Variants in TLR5 observed in about 807,000 individuals in gnomAD.
The protein encoded by TLR5 is toll-like receptor 5.
For synonymous variants in TLR5, 373 were observed against 384.4 expected (o/e 0.97, Z 0.35); for missense variants, 944 against 999.8 (o/e 0.94, Z 0.75).
At position 223,112,134 on chromosome 1, in the gene TLR5, C is replaced by T. The variant is rs772640475; in HGVS notation, c.898G>A (p.Val300Ile). 6.2e-7 allele frequency: 1 copy of T among 1,614,222 alleles called. No individual in the cohort carries two copies. Among genetic ancestry groups the T allele is most frequent in the South Asian group, 1.1e-5 (1 of 91,084 alleles). Reference sequence around the variant, plus strand: ...AAGACTCGTGAGTTCAGGGAGAAGACAAACCCATGTGAAAGATCCAGGTGT... The same window carrying T: ...AAGACTCGTGAGTTCAGGGAGAAGATAAACCCATGTGAAAGATCCAGGTGT... ...VRHLDLSHGF[V>I]FSLNSRVFET... is the part of the protein sequence containing the mutation. Residue 300 changes from valine (V) to isoleucine (I), a missense_variant, in exon 6 of 6, where the codon GTC becomes ATC. Physicochemically the swap from Val to Ile is conservative, Grantham distance 29. Transcript: ENST00000642603.
Position 223,109,660 on chromosome 1 carries a change from A to G in TLR5, c.*795T>C, listed in dbSNP as rs1656224078. ...AGGTTACATGGCTAATACACAGCTGACTCAGAACTCAACCCAGGATCTGTG... is the reference window on the plus strand; with the variant it reads ...AGGTTACATGGCTAATACACAGCTGGCTCAGAACTCAACCCAGGATCTGTG... On this transcript the variant is annotated 3_prime_UTR_variant, in exon 6 of 6. Transcript: ENST00000642603. 1 of 152,324 alleles carries G rather than the reference A, an allele frequency of 6.6e-6. No homozygotes were observed. Among genetic ancestry groups the G allele is most frequent in the Non-Finnish European group, 1.5e-5 (1 of 68,084 alleles). The allele number at this position is 152,324 out of a possible 1,614,324, so 9.4% of individuals were successfully genotyped here. A position where few individuals can be genotyped will look rare whatever the true frequency, so the allele number is the denominator to read the frequency against.
chr1:223,140,065 T>C (rs1256463227), intron 2 of TLR5, among the ~76,000 whole-genome samples: 11 of 152,300 alleles, frequency 7.2e-5, no homozygotes, highest in South Asian at 2.1e-4. Flanking sequence ...CAGAGGTCTA[T>C]GCAAGGACCA....
chr1:223,111,084 G>A lies in TLR5; in HGVS notation c.1948C>T (p.Leu650=). Residue 650 remains leucine, a synonymous_variant, in exon 6 of 6, where the codon CTG becomes TTG. Coordinates refer to ENST00000642603, the MANE Select transcript of TLR5 (RefSeq NM_003268.6). ...FSLFIVCTVT[L]TLFLMTILTV... ...AGGATGGTCATGAGGAACAGAGTCA[G>A]AGTGACAGTGCATACAATGAAAAGG... 1 of 1,614,216 alleles carries A rather than the reference G, an allele frequency of 6.2e-7. No homozygotes were observed. Among genetic ancestry groups the A allele is most frequent in the Non-Finnish European group, 8.5e-7 (1 of 1,180,044 alleles).
At position 223,110,963 on chromosome 1, in the gene TLR5, A is replaced by T; in HGVS notation, c.2069T>A (p.Met690Lys). 6.2e-7 allele frequency: 1 copy of T among 1,614,268 alleles called. No homozygotes were observed. The highest frequency in any genetic ancestry group is 8.5e-7 in the Non-Finnish European group (1 of 1,180,052). ...KDHPQGTEPD[M>K]YKYDAYLCFS... is the part of the protein sequence containing the mutation. ...GCACAAATAGGCATCATATTTGTAC[A>T]TATCAGGTTCTGTGCCCTGGGGATG... Residue 690 changes from methionine to lysine, a missense_variant, in exon 6 of 6, where the codon ATG becomes AAG. Met to Lys is a moderately conservative substitution (Grantham distance 95, BLOSUM62 -1). Coordinates refer to ENST00000642603, the MANE Select transcript of TLR5 (RefSeq NM_003268.6).
chr1:223,110,653 C>T lies in TLR5; in HGVS notation c.2379G>A (p.Gly793=), dbSNP rs755810858. Reference sequence around the variant, plus strand: ...TCATCAACTGGTACTGGGACAAGGACCCAACCACCACCATGATGAGAGCAC... The same window carrying T: ...TCATCAACTGGTACTGGGACAAGGATCCAACCACCACCATGATGAGAGCAC... ...LNSALIMVVV[G]SLSQYQLMKH... The change falls in exon 6 of 6, where the codon GGG becomes GGA. Residue 793 remains glycine (G), a synonymous_variant. Transcript: ENST00000642603. The T allele has an allele frequency of 8.1e-6, 13 of 1,614,112 alleles. No homozygotes were observed. Among genetic ancestry groups the T allele is most frequent in the South Asian group, 2.2e-5 (2 of 91,068 alleles).
chr1:223,135,755 A>G (rs1657584233), intron 3 of TLR5, among the ~76,000 whole-genome samples: 1 of 152,154 alleles, frequency 6.6e-6, no homozygotes, highest in Non-Finnish European at 1.5e-5. Flanking sequence ...AGGCTGTTAC[A>G]CCGGATCTTG....
chr1:223,118,048 C>T (rs139974133), intron 5 of TLR5, among the ~76,000 whole-genome samples: 207 of 152,278 alleles, frequency 1.4e-3, no homozygotes, highest in African/African-American at 4.8e-3. Flanking sequence ...TGTGACACAG[C>T]CCTCAGGAGA....
chr1:223,114,084 G>C (rs1160928707), intron 5 of TLR5, among the ~76,000 whole-genome samples: 5 of 152,180 alleles, frequency 3.3e-5, no homozygotes, highest in Non-Finnish European at 5.9e-5. Flanking sequence ...TAATAAAAGT[G>C]TGATAAGTGC....
chr1:223,123,888 G>T (rs1446853610), intron 5 of TLR5: 2 of 152,234 alleles, frequency 1.3e-5, no homozygotes, highest in Admixed American at 6.5e-5. Context: ...GGAGGAGTGC[G>T]CCATCTAGTG....
rs1416415700 is a variant in TLR5 at position 223,123,488 on chromosome 1, ATG to A, written c.-5+8985_-5+8986del. 5.3e-5 allele frequency: 8 copies of A among 152,372 alleles called. No homozygotes were observed. In the South Asian group the frequency reaches 1.7e-3, roughly 32 times the overall value. The allele number at this position is 152,372 out of a possible 1,614,324, so 9.4% of individuals were successfully genotyped here. On this transcript the variant is annotated intron_variant, in intron 5 of 5. Coordinates refer to ENST00000642603, the MANE Select transcript of TLR5 (RefSeq NM_003268.6). ...ATGTGAAAGAACATTGTCTGGGCTT[ATG>A]TCGTATTACAAAGATACCACGCAGA...
At chr1:223,143,039 G>A (rs562706179) in intron 1 of TLR5, among the ~76,000 whole-genome samples, 157 bp downstream of exon 1, 15 of 152,248 alleles carry the variant, frequency 9.9e-5, no homozygotes, top group Non-Finnish European at 2.1e-4. Context: ...GCCGCCTAGT[G>A]AGGCGGCGCG....
chr1:223,110,289 G>A lies in TLR5; in HGVS notation c.*166C>T, dbSNP rs1325395586. On this transcript the variant is annotated 3_prime_UTR_variant, in exon 6 of 6. Coordinates refer to ENST00000642603, the MANE Select transcript of TLR5 (RefSeq NM_003268.6). The stretch of plus-strand genomic sequence containing the variant: ...TATTATTTTCCATTTGGAGGTTAGT[G>A]AGACAGAACATGGTGTTGATACGAA... 2 of 691,422 alleles carry A rather than the reference G, an allele frequency of 2.9e-6. No individual in the cohort carries two copies. The highest frequency in any genetic ancestry group is 3.6e-5 in the African/African-American group (2 of 55,412). 42.8% of individuals were successfully genotyped at this position (691,422 alleles called of 1,614,324 possible).
At chr1:223,141,818 TATATAGAGAG>T (rs1432239999) in intron 1 of TLR5, 55 bp from the exon 2 acceptor site, 48 of 43,254 alleles carry the variant, frequency 1.1e-3, no homozygotes, top group Admixed American at 2.3e-3. Flanking sequence ...TATATATATA[TATATAGAGAG>T]AGAGAGAGAG....
chr1:223,123,360 C>T (rs965650754), intron 5 of TLR5: 33 of 152,088 alleles, frequency 2.2e-4, no homozygotes, highest in African/African-American at 7.7e-4. Flanking sequence ...GAAAGACAGC[C>T]CCAAACGAAA....
At chr1:223,119,981 AT>A (rs1477329592) in intron 5 of TLR5, among the ~76,000 whole-genome samples, 2 of 63,380 alleles carry the variant, frequency 3.2e-5, no homozygotes, top group African/African-American at 9.7e-5. Flanking sequence ...AATAAAATAA[AT>A]AAAATAAAAT....
rs375555812 is a variant in TLR5 at position 223,133,895 on chromosome 1, C to T, written c.-170+787G>A. Among the ~76,000 whole-genome samples the T allele has an allele frequency of 2.2e-4, 33 of 152,342 alleles. No individual in the cohort carries two copies. In the South Asian group the frequency reaches 6.2e-3, roughly 29 times the overall value. On this transcript the variant is annotated intron_variant, in intron 4 of 5. Transcript: ENST00000642603. ...GGGGGAGGAGCCCGCGGAGCCGCGG[C>T]CGGAGAGTCGAGCGGGGCGCGGGGA... is the stretch of plus-strand genomic sequence containing the variant.
Position 223,117,016 on chromosome 1 carries a change from G to A in TLR5, c.-4-3981C>T, listed in dbSNP as rs186649566. 3.9e-4 allele frequency among the ~76,000 whole-genome samples: 59 copies of A among 152,272 alleles called. No homozygotes were observed. The East Asian group carries it at 8.2e-3, about 21-fold the overall frequency. The stretch of plus-strand genomic sequence containing the variant: ...GACCGGGCGCCGTGGAGCAGGGGGC[G>A]GCGCCCGTTGGGGAGGCTTGGCCGC... On this transcript the variant is annotated intron_variant, in intron 5 of 5. Transcript: ENST00000642603.
chr1:223,140,948 CA>C (rs1657813301), intron 2 of TLR5, among the ~76,000 whole-genome samples: 1 of 152,230 alleles, frequency 6.6e-6, no homozygotes, highest in African/African-American at 2.4e-5. Context: ...GACTATGCCT[CA>C]AACTTGGGTT....
intron 5 of TLR5, among the ~76,000 whole-genome samples, chr1:223,115,669 T>C (rs1421596323): frequency 6.6e-6 from 1 of 152,018 alleles, no homozygotes; most frequent in Non-Finnish European, 1.5e-5. Context: ...AGGAAATAGG[T>C]ACTGACAGGC....
Sources: allele counts gnomAD v4.1 joint callset (sites outside exome capture counted in the v4.1 genomes callset), GRCh38; gene constraint gnomAD v4.1.1; transcripts MANE v1.5; gene names NCBI Gene and HGNC (gene_info 2026-07-23, HGNC 2026-07-21).